The following ESRRG variants were observed in gnomAD, a reference collection of about 807,000 sequenced individuals.
ESRRG encodes estrogen-related receptor gamma.
Under a neutral mutation model 44.0 loss-of-function variants are expected in ESRRG, and 13 were observed. The observed-to-expected ratio is 0.30, with a 90% CI of 0.19 to 0.47. The LOEUF (loss-of-function observed/expected upper bound fraction) is 0.47, where lower values mean the gene tolerates loss of function less well. Ranked by LOEUF, ESRRG falls within the 20% of genes least tolerant of loss-of-function variation. The pLI, the probability that ESRRG is intolerant of heterozygous loss-of-function variation, is 1.00. For missense variants in ESRRG, 395 were observed against 580.6 expected (o/e 0.68, Z 3.29); for synonymous variants, 215 against 214.6 (o/e 1.00, Z -0.02).
chr1:217,009,070 T>TGTGACATTTTAC (rs1336607319), intron 1 of ESRRG, among the ~76,000 whole-genome samples: 2 of 152,300 alleles, frequency 1.3e-5, no homozygotes, highest in Admixed American at 6.5e-5. Context: ...ATTTTACAGC[T>TGTGACATTTTAC]CAATATGTCA....
chr1:216,783,271 A>G (rs927598673), intron 2 of ESRRG, among the ~76,000 whole-genome samples: 4 of 152,046 alleles, frequency 2.6e-5, no homozygotes, highest in Non-Finnish European at 5.9e-5. Context: ...GGGACCCTCC[A>G]CAGAGTGACC....
intron 2 of ESRRG, among the ~76,000 whole-genome samples, chr1:216,788,851 CATGAATGACTTT>C (rs1357198090): frequency 6.6e-6 from 1 of 152,066 alleles, no homozygotes. Flanking sequence ...TTCCAATTCT[CATGAATGACTTT>C]AAGGAATTCA....
At chr1:216,914,900 T>A (rs1407139005) in intron 2 of ESRRG, among the ~76,000 whole-genome samples, 2 of 152,168 alleles carry the variant, frequency 1.3e-5, no homozygotes, top group Admixed American at 1.3e-4. Context: ...CATCCAGAAG[T>A]CTCAGGCTCT....
chr1:216,840,762 G>T (rs760499893), intron 2 of ESRRG, among the ~76,000 whole-genome samples: 2 of 152,120 alleles, frequency 1.3e-5, no homozygotes, highest in East Asian at 1.9e-4. Context: ...GAAGAGAGAC[G>T]TGGAAACAGT....
chr1:216,907,794 G>A (rs1484994992), intron 2 of ESRRG, among the ~76,000 whole-genome samples: 1 of 152,130 alleles, frequency 6.6e-6, no homozygotes, highest in Non-Finnish European at 1.5e-5. Context: ...GCCGGTTGAC[G>A]TATTTCTTGT....
At chr1:216,604,284 GA>G (rs2059639955) in intron 3 of ESRRG, among the ~76,000 whole-genome samples, 1 of 152,216 alleles carries the variant, frequency 6.6e-6, no homozygotes, top group Non-Finnish European at 1.5e-5. Context: ...TCAGAATCTA[GA>G]AGCTCAGTGA....
intron 1 of ESRRG, among the ~76,000 whole-genome samples, chr1:216,951,640 C>A (rs1021180646): frequency 2.0e-5 from 3 of 151,738 alleles, no homozygotes; most frequent in African/African-American, 7.3e-5. Flanking sequence ...AATAGTGTAA[C>A]CCTCATGTTT....
chr1:216,807,886 T>C (rs921211032), intron 2 of ESRRG, among the ~76,000 whole-genome samples: 1 of 152,110 alleles, frequency 6.6e-6, no homozygotes, highest in Non-Finnish European at 1.5e-5. Context: ...CCTTTCTACA[T>C]TTCAGACAAA....
intron 2 of ESRRG, among the ~76,000 whole-genome samples, chr1:216,838,560 T>C (rs1038651221): frequency 3.3e-5 from 5 of 152,150 alleles, no homozygotes; most frequent in African/African-American, 1.2e-4. Context: ...ATCAAATTCC[T>C]GACTTTAGCC....
At chr1:217,074,301 G>A (rs962813657) in intron 1 of ESRRG, among the ~76,000 whole-genome samples, 1 of 151,618 alleles carries the variant, frequency 6.6e-6, no homozygotes, top group African/African-American at 2.4e-5. Context: ...CACCCACTTT[G>A]GCCTCCCAGA....
At chr1:216,875,810 T>C (rs2096342549) in intron 2 of ESRRG, among the ~76,000 whole-genome samples, 1 of 152,176 alleles carries the variant, frequency 6.6e-6, no homozygotes, top group Admixed American at 6.6e-5. Context: ...GCTATGCATA[T>C]GTACAGCATT....
chr1:216,904,578 T>C (rs771712918), intron 2 of ESRRG, among the ~76,000 whole-genome samples: 1 of 152,186 alleles, frequency 6.6e-6, no homozygotes, highest in East Asian at 1.9e-4. Context: ...AAAGTAAACT[T>C]GGCTTTACTT....
chr1:216,774,444 A>T (rs1339215450), intron 2 of ESRRG, among the ~76,000 whole-genome samples: 1 of 152,108 alleles, frequency 6.6e-6, no homozygotes, highest in Non-Finnish European at 1.5e-5. Flanking sequence ...TCTAAACTTC[A>T]GTCTCCTCTG....
chr1:216,873,886 GGGAAGGGAAGGGA>G (rs2096298522), intron 2 of ESRRG, among the ~76,000 whole-genome samples: 78 of 29,128 alleles, frequency 2.7e-3, no homozygotes, highest in African/African-American at 0.013. Flanking sequence ...AGGGAGGGAA[GGGAAGGGAAGGGA>G]AGGGAAGGGA....
At chr1:216,650,611 A>C (rs1498278) in intron 3 of ESRRG, among the ~76,000 whole-genome samples, 24,554 of 152,162 alleles carry the variant, frequency 0.16, 2,478 homozygotes, top group East Asian at 0.43. Context: ...AATTAAAAAA[A>C]AAAAATCTCT....
intron 2 of ESRRG, among the ~76,000 whole-genome samples, chr1:216,775,233 G>A (rs1265748513): frequency 6.6e-6 from 1 of 151,912 alleles, no homozygotes; most frequent in African/African-American, 2.4e-5. Context: ...TCTATTTATT[G>A]TATAACAAGA....
chr1:216,595,591 C>A (rs2058314974), intron 3 of ESRRG, among the ~76,000 whole-genome samples: 1 of 152,142 alleles, frequency 6.6e-6, no homozygotes, highest in African/African-American at 2.4e-5. Flanking sequence ...CATTTCATTT[C>A]TATTATGCTT....
At chr1:216,838,794 A>G (rs953176804) in intron 2 of ESRRG, among the ~76,000 whole-genome samples, 1 of 152,204 alleles carries the variant, frequency 6.6e-6, no homozygotes, top group Non-Finnish European at 1.5e-5. Flanking sequence ...GTGCAATAGC[A>G]TTATGTCTAA....
At chr1:216,943,712 T>C (rs2065632921) in intron 1 of ESRRG, among the ~76,000 whole-genome samples, 2 of 152,292 alleles carry the variant, frequency 1.3e-5, no homozygotes, top group Admixed American at 6.5e-5. Flanking sequence ...AACACACATA[T>C]TTCCTTTAGT....
Sources: gnomAD v4.1 joint callset for allele counts (sites outside exome capture counted in the v4.1 genomes callset) on GRCh38, gnomAD v4.1.1 for gene constraint, MANE v1.5 for transcripts, NCBI Gene and HGNC (gene_info 2026-07-23, HGNC 2026-07-21) for gene names.